MACROD2: variants seen among roughly 807,000 people sequenced by gnomAD.
MACROD2 encodes the protein mono-ADP ribosylhydrolase 2.
Under a neutral mutation model 70.4 loss-of-function variants are expected in MACROD2, and 36 were observed. That is an observed-to-expected ratio of 0.51 (90% confidence interval 0.39 to 0.68). The LOEUF (loss-of-function observed/expected upper bound fraction) is 0.68. MACROD2 is among the 30% of genes least tolerant of loss of function. The probability of loss-of-function intolerance (pLI) is 0.00; values close to 1 mark genes in which losing one functional copy is unlikely to be tolerated. For synonymous variants in MACROD2, 172 were observed against 178.8 expected, an observed-to-expected ratio of 0.96 and a Z score of 0.30; for missense variants, 496 against 538.4, an observed-to-expected ratio of 0.92 and a Z score of 0.78.
intron 10 of MACROD2, among the ~76,000 whole-genome samples, chr20:15,932,666 A>G (rs1403958146): frequency 6.6e-6 from 1 of 152,228 alleles, no homozygotes; most frequent in Admixed American, 6.5e-5. Context: ...AAATCCACAG[A>G]TATAGTAGCT....
intron 6 of MACROD2, among the ~76,000 whole-genome samples, chr20:15,369,681 A>G (rs1485260297): frequency 1.3e-5 from 2 of 152,164 alleles, no homozygotes; most frequent in African/African-American, 2.4e-5. Context: ...AAGTGCTCTG[A>G]ACAATATAAA....
At chr20:14,738,906 C>T (rs1017330370) in intron 5 of MACROD2, among the ~76,000 whole-genome samples, 1 of 151,674 alleles carries the variant, frequency 6.6e-6, no homozygotes, top group African/African-American at 2.4e-5. Flanking sequence ...TAGATTTCTG[C>T]TAAGTATAAT....
At chr20:14,844,249 A>G (rs1171691093) in intron 5 of MACROD2, among the ~76,000 whole-genome samples, 1 of 151,976 alleles carries the variant, frequency 6.6e-6, no homozygotes, top group Non-Finnish European at 1.5e-5. Flanking sequence ...CTGGTTCAAA[A>G]AAGTTGATAG....
At chr20:15,250,474 G>T (rs961135518) in intron 6 of MACROD2, among the ~76,000 whole-genome samples, 3 of 152,166 alleles carry the variant, frequency 2.0e-5, no homozygotes, top group Non-Finnish European at 2.9e-5. Flanking sequence ...TGATAAATTA[G>T]CATGAGTGCC....
intron 5 of MACROD2, among the ~76,000 whole-genome samples, chr20:14,762,637 A>G (rs1357033059): frequency 1.3e-5 from 2 of 152,084 alleles, no homozygotes; most frequent in African/African-American, 2.4e-5. Context: ...CTATTAAATG[A>G]CAGGCAGACA....
chr20:15,792,813 G>A (rs1203599506), intron 8 of MACROD2, among the ~76,000 whole-genome samples: 2 of 152,118 alleles, frequency 1.3e-5, no homozygotes, highest in Non-Finnish European at 2.9e-5. Flanking sequence ...TGCCTCTGAT[G>A]GGAATTTATT....
intron 5 of MACROD2, among the ~76,000 whole-genome samples, chr20:15,051,030 A>C (rs530531768): frequency 1.3e-5 from 2 of 152,104 alleles, no homozygotes; most frequent in Non-Finnish European, 2.9e-5. Context: ...ATAAGTCTGA[A>C]TATCTCCTTT....
chr20:15,797,239 T>G (rs1017524308), intron 8 of MACROD2, among the ~76,000 whole-genome samples: 11 of 152,142 alleles, frequency 7.2e-5, no homozygotes, highest in South Asian at 2.1e-4. Flanking sequence ...TCAGCCTCCC[T>G]AGTAGCTGGG....
At chr20:14,692,817 T>G (rs1249254033) in intron 5 of MACROD2, among the ~76,000 whole-genome samples, 1 of 152,240 alleles carries the variant, frequency 6.6e-6, no homozygotes. Context: ...TGTTCTATGC[T>G]TAGCTTCTTT....
intron 5 of MACROD2, among the ~76,000 whole-genome samples, chr20:15,003,347 C>A (rs753073014): frequency 6.6e-6 from 1 of 152,244 alleles, no homozygotes; most frequent in East Asian, 1.9e-4. Context: ...TTATTAAGGG[C>A]CTTCTAGCTT....
At chr20:15,588,925 T>A (rs1568913975) in intron 8 of MACROD2, among the ~76,000 whole-genome samples, 2 of 152,212 alleles carry the variant, frequency 1.3e-5, no homozygotes. Flanking sequence ...CCAAAGTCGC[T>A]TCCACATTTT....
chr20:14,513,481 A>G (rs1020315890), intron 4 of MACROD2, among the ~76,000 whole-genome samples: 8 of 152,224 alleles, frequency 5.3e-5, no homozygotes, highest in African/African-American at 1.9e-4. Context: ...GAGTTAGCCA[A>G]GGGAAATATA....
chr20:14,416,639 G>A (rs1226020481), intron 3 of MACROD2, among the ~76,000 whole-genome samples: 1 of 152,168 alleles, frequency 6.6e-6, no homozygotes, highest in African/African-American at 2.4e-5. Context: ...CCTGTTATAA[G>A]CACGTCTTTC....
intron 3 of MACROD2, among the ~76,000 whole-genome samples, chr20:14,366,358 T>A (rs1267182694): frequency 1.4e-5 from 2 of 138,816 alleles, no homozygotes; most frequent in Non-Finnish European, 3.1e-5. Flanking sequence ...AGTGTCCTTT[T>A]TGTAACTTGT....
chr20:14,240,471 A>G (rs886792641), intron 3 of MACROD2, among the ~76,000 whole-genome samples: 8 of 152,224 alleles, frequency 5.3e-5, no homozygotes, highest in Admixed American at 5.2e-4. Context: ...GGATACAGAA[A>G]ACATGGTACA....
intron 3 of MACROD2, among the ~76,000 whole-genome samples, chr20:14,195,687 G>A (rs75406187): frequency 2.0e-5 from 3 of 152,086 alleles, no homozygotes; most frequent in Non-Finnish European, 2.9e-5. Flanking sequence ...AGGGGAGCAC[G>A]CCGGATGCTA....
At chr20:15,135,236 C>A (rs1034823141) in intron 5 of MACROD2, among the ~76,000 whole-genome samples, 38 of 150,752 alleles carry the variant, frequency 2.5e-4, no homozygotes, top group African/African-American at 9.0e-4. Flanking sequence ...CATTCTGATA[C>A]CAAAGCCGGG....
chr20:15,628,493 A>G (rs779980347), intron 8 of MACROD2, among the ~76,000 whole-genome samples: 8 of 152,370 alleles, frequency 5.3e-5, no homozygotes, highest in South Asian at 4.1e-4. Flanking sequence ...AGGAAGTTTC[A>G]ACCCTGGTGG....
At chr20:15,098,847 A>G (rs972568100) in intron 5 of MACROD2, among the ~76,000 whole-genome samples, 2 of 152,242 alleles carry the variant, frequency 1.3e-5, no homozygotes, top group Non-Finnish European at 1.5e-5. Flanking sequence ...AGGGAACAGC[A>G]TGAGCCAAAG....
Sources: allele counts gnomAD v4.1 joint callset (sites outside exome capture counted in the v4.1 genomes callset), GRCh38; gene constraint gnomAD v4.1.1; transcripts MANE v1.5; gene names NCBI Gene and HGNC (gene_info 2026-07-23, HGNC 2026-07-21).